PCDHGA12: variants seen among roughly 807,000 people sequenced by gnomAD.
PCDHGA12 encodes the protein protocadherin gamma subfamily A, 12.
PCDHGA12 carries 43 observed loss-of-function variants against 61.1 expected under a neutral mutation model. The ratio of observed to expected loss-of-function variants is 0.70; its 90% confidence interval spans 0.55 to 0.91. PCDHGA12 has a LOEUF of 0.91. Among genes scored for constraint, PCDHGA12 ranks in the 40% least tolerant of loss-of-function variants. The pLI is 0.00. For missense variants in PCDHGA12, 1,236 were observed against 1,227.7 expected (o/e 1.01, Z -0.10); for synonymous variants, 520 against 542.9 (o/e 0.96, Z 0.59).
intron 1 of PCDHGA12, among the ~76,000 whole-genome samples, chr5:141,438,370 A>G (rs2097956460): frequency 1.3e-5 from 2 of 152,004 alleles, no homozygotes; most frequent in South Asian, 4.2e-4. Context: ...CATTGAGGGC[A>G]GATATAATTT....
chr5:141,433,090 C>T lies in PCDHGA12; in HGVS notation c.2331C>T (p.Asp777=). 2 of 1,614,210 alleles carry T rather than the reference C, an allele frequency of 1.2e-6. No individual in the cohort carries two copies. Among genetic ancestry groups the T allele is most frequent in the Non-Finnish European group, 1.7e-6 (2 of 1,180,048 alleles). ...TCTTCCCCCAGCCCAACTATGCAGA[C>T]ATGCTCGTCAGCCAGGAGAGCTTTG... ...HLIFPQPNYA[D]MLVSQESFEK... is the part of the protein sequence containing the mutation. The change falls in exon 1 of 4, where the codon GAC becomes GAT. Residue 777 remains aspartate, a synonymous_variant. Transcript: ENST00000252085.
rs913767837 is a variant in PCDHGA12, at chr5:141,491,909, C to T, written c.2425-2898C>T. 8.5e-6 allele frequency: 12 copies of T among 1,403,834 alleles called. No individual in the cohort carries two copies. Among genetic ancestry groups the T allele is most frequent in the Non-Finnish European group, 1.1e-5 (12 of 1,057,326 alleles). 87.0% of individuals were successfully genotyped at this position (1,403,834 alleles called of 1,614,324 possible). A position where few individuals can be genotyped will look rare whatever the true frequency, so the allele number is the denominator to read the frequency against. Reference sequence around the variant, plus strand: ...GGGCTCCGAGCACCGGGGGTGGTGGCGACTGTGGGCGAGGGGAGGTGGGAC... The same window carrying T: ...GGGCTCCGAGCACCGGGGGTGGTGGTGACTGTGGGCGAGGGGAGGTGGGAC... On this transcript the variant is annotated intron_variant, in intron 1 of 3. Transcript: ENST00000252085. The surrounding 1 kb of genome is among the most constrained non-coding windows in gnomAD (Gnocchi z 6.9).
At chr5:141,438,765 G>A (rs1012158127) in intron 1 of PCDHGA12, among the ~76,000 whole-genome samples, 5 of 149,658 alleles carry the variant, frequency 3.3e-5, no homozygotes, top group Middle Eastern at 3.4e-3. Context: ...GGGTTCAAGC[G>A]ATTCTCCTGC....
At chr5:141,465,714 C>T (rs1015102102) in intron 1 of PCDHGA12, among the ~76,000 whole-genome samples, 4 of 152,200 alleles carry the variant, frequency 2.6e-5, no homozygotes, top group Non-Finnish European at 5.9e-5. Context: ...AATGCCACCA[C>T]TTCCACCTCT....
At chr5:141,453,240 A>G (rs1470706774) in intron 1 of PCDHGA12, among the ~76,000 whole-genome samples, 1 of 152,020 alleles carries the variant, frequency 6.6e-6, no homozygotes, top group African/African-American at 2.4e-5. Context: ...CAGCCTCCCA[A>G]ATAGCTGGGG....
intron 1 of PCDHGA12, among the ~76,000 whole-genome samples, chr5:141,474,312 T>G (rs1358237994): frequency 6.6e-6 from 1 of 152,228 alleles, no homozygotes; most frequent in African/African-American, 2.4e-5. Flanking sequence ...AACTTTAATG[T>G]GTTTTCAAAT....
chr5:141,436,220 T>C (rs1179034537), intron 1 of PCDHGA12, among the ~76,000 whole-genome samples: 2 of 152,096 alleles, frequency 1.3e-5, no homozygotes, highest in Non-Finnish European at 2.9e-5. Flanking sequence ...ACAAATGACT[T>C]GGGAAACTAA....
At position 141,433,186 on chromosome 5, in the gene PCDHGA12, G is replaced by A. The variant is rs753657435; in HGVS notation, c.2424+3G>A. The A allele has an allele frequency of 1.4e-5, 23 of 1,601,378 alleles. No homozygotes were observed. The highest frequency in any genetic ancestry group is 1.9e-5 in the Non-Finnish European group (22 of 1,175,522). ...AAGACAGTCATGGGTTAATTGAGGT[G>A]AGTTTATATCAAATCTTCTTTCTTT... is the stretch of plus-strand genomic sequence containing the variant. On this transcript the variant is annotated splice_donor_region_variant and intron_variant, in intron 1 of 3. Transcript: ENST00000252085.
Position 141,489,424 on chromosome 5 carries a change from C to T in PCDHGA12, c.2425-5383C>T, listed in dbSNP as rs758049228. The T allele has an allele frequency of 5.0e-5, 80 of 1,613,958 alleles. No homozygotes were observed. In the Admixed American group the frequency reaches 1.1e-3, roughly 23 times the overall value. On this transcript the variant is annotated intron_variant, in intron 1 of 3. Coordinates refer to ENST00000252085, the MANE Select transcript of PCDHGA12 (RefSeq NM_003735.3). The surrounding 1 kb of genome is among the most constrained non-coding windows in gnomAD (Gnocchi z 4.5). ...CTTAAAGATGACAGATCTGTTGAGC[C>T]GGCGGCTGCAATTGGGCTCTGAGGA...
chr5:141,496,103 C>G (rs779317844), intron 2 of PCDHGA12, among the ~76,000 whole-genome samples: 1 of 152,100 alleles, frequency 6.6e-6, no homozygotes, highest in Non-Finnish European at 1.5e-5. Flanking sequence ...ACCAACACCC[C>G]GCTCTCTTCC....
chr5:141,511,713 C>T lies in PCDHGA12; in HGVS notation c.*540C>T. 5.4e-6 allele frequency: 1 copy of T among 186,446 alleles called. No individual in the cohort carries two copies. Among genetic ancestry groups the T allele is most frequent in the Admixed American group, 5.3e-5 (1 of 18,840 alleles). The allele number at this position is 186,446 out of a possible 1,614,324, so 11.5% of individuals were successfully genotyped here. ...TTGGTGCCAGCCCCTTCACCTCCTT[C>T]CAGAGCCCAAGATCAATGCTCAAGT... On this transcript the variant is annotated 3_prime_UTR_variant, in exon 4 of 4. Transcript: ENST00000252085.
Position 141,510,960 on chromosome 5 carries a change from G to T in PCDHGA12, c.2586G>T (p.Gly862=). The T allele has an allele frequency of 6.2e-7, 1 of 1,614,120 alleles. No individual in the cohort carries two copies. The highest frequency in any genetic ancestry group is 1.3e-5 in the African/African-American group (1 of 75,022). ...ILASASEAAD[G]SSTLGGGAGT... is the part of the protein sequence containing the mutation. ...CTGTCTCTGCAGAAGCTGCTGATGG[G>T]AGCTCCACCCTGGGAGGGGGTGCCG... Residue 862 remains glycine, a synonymous_variant, in exon 4 of 4, where the codon GGG becomes GGT. Transcript: ENST00000252085.
chr5:141,511,560 TC>T lies in PCDHGA12; in HGVS notation c.*390del. ...CCACCCCACTCCAACAGTTCCTCTT[TC>T]CCGAGTAAGGTGGTTGGGGTGTTGA... On this transcript the variant is annotated 3_prime_UTR_variant, in exon 4 of 4. Transcript: ENST00000252085. 3.3e-6 allele frequency: 1 copy of T among 298,990 alleles called. No individual in the cohort carries two copies. The highest frequency in any genetic ancestry group is 3.7e-5 in the South Asian group (1 of 27,250). The allele number at this position is 298,990 out of a possible 1,614,324, so 18.5% of individuals were successfully genotyped here. A position where few individuals can be genotyped will look rare whatever the true frequency, so the allele number is the denominator to read the frequency against.
intron 1 of PCDHGA12, chr5:141,440,448 A>G (rs2098178859): frequency 6.6e-6 from 1 of 152,168 alleles, no homozygotes; most frequent in East Asian, 1.9e-4. Context: ...CGCCATCTCA[A>G]AAAAAATGAA....
intron 1 of PCDHGA12, among the ~76,000 whole-genome samples, chr5:141,468,857 C>A (rs1386167428): frequency 2.0e-5 from 3 of 151,962 alleles, no homozygotes; most frequent in Non-Finnish European, 4.4e-5. Context: ...CAGAGCGAGA[C>A]TCCATCTCAA....
At chr5:141,458,820 C>T (rs2098954225) in intron 1 of PCDHGA12, among the ~76,000 whole-genome samples, 1 of 152,070 alleles carries the variant, frequency 6.6e-6, no homozygotes, top group African/African-American at 2.4e-5. Flanking sequence ...GCAACCTCTG[C>T]CTCCCAGGCT....
At chr5:141,500,192 A>T (rs865941565) in intron 2 of PCDHGA12, among the ~76,000 whole-genome samples, 1 of 110,142 alleles carries the variant, frequency 9.1e-6, no homozygotes, top group Non-Finnish European at 2.0e-5. Context: ...ATTTTTATTT[A>T]TTTATTTATT....
intron 1 of PCDHGA12, among the ~76,000 whole-genome samples, chr5:141,453,225 C>T (rs2098758997): frequency 6.6e-6 from 1 of 152,044 alleles, no homozygotes; most frequent in African/African-American, 2.4e-5. Context: ...GCGATCCTCC[C>T]ACCTCAGCCT....
rs1389286417 is a variant in PCDHGA12 at position 141,432,046 on chromosome 5, C to T, written c.1287C>T (p.Thr429=). ...CAGTGACCGCCACTGACCGGGGAAC[C>T]CCGCCCCTATCCACGGAAACTCATA... ...NITVTATDRG[T]PPLSTETHIS... The change falls in exon 1 of 4, where the codon ACC becomes ACT. Residue 429 remains threonine (T), a synonymous_variant. Transcript: ENST00000252085. This position sits in a 1 kb window ranked among gnomAD's most constrained non-coding sequence, Gnocchi z 6.0. 3.1e-6 allele frequency: 5 copies of T among 1,614,224 alleles called. No homozygotes were observed. The highest frequency in any genetic ancestry group is 2.2e-5 in the East Asian group (1 of 44,886).
Sources: allele counts gnomAD v4.1 joint callset (sites outside exome capture counted in the v4.1 genomes callset), GRCh38; gene constraint gnomAD v4.1.1; non-coding constraint Gnocchi (gnomAD v3.1); transcripts MANE v1.5; gene names NCBI Gene and HGNC (gene_info 2026-07-23, HGNC 2026-07-21).